The following APLF variants were observed in gnomAD, a reference collection of about 807,000 sequenced individuals.
APLF encodes aprataxin and PNK-like factor.
In APLF, 61 loss-of-function variants were observed where a neutral mutation model predicts 55.6. The observed-to-expected ratio is 1.10, with a 90% CI of 0.89 to 1.36. The LOEUF is 1.36. Among genes scored for constraint, APLF ranks in the 40% most tolerant of loss-of-function variants. APLF has a pLI of 0.00. For synonymous variants in APLF, 207 were observed against 214.8 expected (o/e 0.96, Z 0.32); for missense variants, 611 against 602.5 (o/e 1.01, Z -0.15).
chr2:68,568,046 C>T (rs957756902), intron 9 of APLF, among the ~76,000 whole-genome samples: 1 of 152,082 alleles, frequency 6.6e-6, no homozygotes, highest in Non-Finnish European at 1.5e-5. Flanking sequence ...TCATCAGAAC[C>T]ATAGCCATCT....
At chr2:68,509,720 A>G (rs1425028868) in intron 3 of APLF, among the ~76,000 whole-genome samples, 1 of 152,142 alleles carries the variant, frequency 6.6e-6, no homozygotes, top group African/African-American at 2.4e-5. Flanking sequence ...ATTACTGGGT[A>G]TATACTCAAA....
intron 6 of APLF, chr2:68,528,684 C>T: frequency 1.3e-6 from 2 of 1,511,714 alleles, no homozygotes; most frequent in Admixed American, 2.0e-5. Flanking sequence ...GCAGGGAGCA[C>T]TGTTGGAAGT....
intron 6 of APLF, among the ~76,000 whole-genome samples, chr2:68,533,330 T>C (rs533497764): frequency 1.3e-5 from 2 of 152,218 alleles, no homozygotes; most frequent in Non-Finnish European, 2.9e-5. Context: ...ATTTCCTTTA[T>C]AATCTATATT....
chr2:68,531,738 C>T (rs963727762), intron 6 of APLF, among the ~76,000 whole-genome samples: 5 of 152,144 alleles, frequency 3.3e-5, no homozygotes, highest in African/African-American at 1.2e-4. Context: ...TTATTGTGTT[C>T]AGAAGAAAAT....
rs375590181 is a variant in APLF, at chr2:68,482,146, T to G, written c.97-8044T>G. 6.5e-3 allele frequency among the ~76,000 whole-genome samples: 990 copies of G among 151,662 alleles called. 7 individuals carry two copies. The highest frequency in any genetic ancestry group is 0.023 in the African/African-American group (941 of 41,324). ...GGAGAATTAATGTGTTCCTTTGGGG[T>G]TGTTATGTTTTTTTCATGTTTCTTA... On this transcript the variant is annotated intron_variant, in intron 1 of 9. Coordinates refer to ENST00000303795, the MANE Select transcript of APLF (RefSeq NM_173545.3).
intron 8 of APLF, among the ~76,000 whole-genome samples, chr2:68,549,140 A>G (rs929521970): frequency 1.3e-5 from 2 of 152,140 alleles, no homozygotes; most frequent in Non-Finnish European, 2.9e-5. Context: ...AAAGATGGCC[A>G]TGTCTCTTAA....
intron 1 of APLF, 123 bp from the exon 2 acceptor site, chr2:68,490,067 T>A: frequency 1.8e-6 from 1 of 551,536 alleles, no homozygotes; most frequent in Non-Finnish European, 3.1e-6. Context: ...GTTGAATGAA[T>A]GATATATTTC....
At chr2:68,507,695 T>G (rs1676907281) in intron 3 of APLF, among the ~76,000 whole-genome samples, 1 of 152,064 alleles carries the variant, frequency 6.6e-6, no homozygotes, top group African/African-American at 2.4e-5. Flanking sequence ...AGTGTTGGTT[T>G]TTTGAATGCA....
intron 2 of APLF, among the ~76,000 whole-genome samples, chr2:68,494,487 CT>C (rs906194601): frequency 1.9e-4 from 29 of 148,940 alleles, no homozygotes; most frequent in African/African-American, 5.9e-4. Flanking sequence ...GTGCCACACA[CT>C]TTTTTTTTTC....
At chr2:68,483,831 A>G (rs1217681473) in intron 1 of APLF, among the ~76,000 whole-genome samples, 1 of 152,206 alleles carries the variant, frequency 6.6e-6, no homozygotes, top group African/African-American at 2.4e-5. Flanking sequence ...GAACCAAGTT[A>G]CATGAGAACA....
At chr2:68,483,992 A>G (rs1676049442) in intron 1 of APLF, among the ~76,000 whole-genome samples, 1 of 152,168 alleles carries the variant, frequency 6.6e-6, no homozygotes, top group Non-Finnish European at 1.5e-5. Context: ...AAGATCCAGT[A>G]GCTTTTCTGC....
chr2:68,555,767 A>G (rs2104039586), intron 8 of APLF, among the ~76,000 whole-genome samples: 1 of 152,304 alleles, frequency 6.6e-6, no homozygotes, highest in Non-Finnish European at 1.5e-5. Flanking sequence ...ATGTAAACTA[A>G]TACAACCACT....
intron 2 of APLF, among the ~76,000 whole-genome samples, chr2:68,493,980 T>C (rs910694462): frequency 4.6e-5 from 7 of 151,562 alleles, no homozygotes; most frequent in Non-Finnish European, 8.8e-5. Flanking sequence ...TGGTGGCGGG[T>C]GCCTGTAGTC....
intron 2 of APLF, among the ~76,000 whole-genome samples, chr2:68,502,075 A>G (rs1234843138): frequency 1.3e-5 from 2 of 152,080 alleles, no homozygotes; most frequent in African/African-American, 4.8e-5. Flanking sequence ...TTACAGACCC[A>G]CTCGCGAGAT....
At chr2:68,519,252 T>C (rs1347271552) in intron 5 of APLF, among the ~76,000 whole-genome samples, 1 of 139,536 alleles carries the variant, frequency 7.2e-6, no homozygotes, top group Non-Finnish European at 1.5e-5. Flanking sequence ...TTATATATCA[T>C]TTATATATAA....
At chr2:68,572,539 A>G (rs1050618781) in intron 9 of APLF, among the ~76,000 whole-genome samples, 2 of 152,256 alleles carry the variant, frequency 1.3e-5, no homozygotes, top group African/African-American at 4.8e-5. Context: ...AAACTTTGGT[A>G]AAAATCTGCA....
At chr2:68,563,624 G>C (rs999625645) in intron 8 of APLF, among the ~76,000 whole-genome samples, 1 of 151,886 alleles carries the variant, frequency 6.6e-6, no homozygotes, top group African/African-American at 2.4e-5. Context: ...TCGGTATTTG[G>C]TGCTTAAACC....
chr2:68,490,049 A>G, intron 1 of APLF, 141 bp from the exon 2 acceptor site: 1 of 499,876 alleles, frequency 2.0e-6, no homozygotes, highest in South Asian at 3.6e-5. Context: ...TCATTTCAAT[A>G]TACAGTTGTT....
At chr2:68,482,926 G>A (rs1676008973) in intron 1 of APLF, among the ~76,000 whole-genome samples, 1 of 152,068 alleles carries the variant, frequency 6.6e-6, no homozygotes, top group Admixed American at 6.5e-5. Context: ...GCAGCTGGAG[G>A]TGTAGGCATG....
Sources: allele counts gnomAD v4.1 joint callset (sites outside exome capture counted in the v4.1 genomes callset), GRCh38; gene constraint gnomAD v4.1.1; transcripts MANE v1.5; gene names NCBI Gene and HGNC (gene_info 2026-07-23, HGNC 2026-07-21).